Variants in INPP5F observed in about 807,000 individuals in gnomAD.
INPP5F encodes the protein inositol polyphosphate-5-phosphatase F, also known as phosphatidylinositide 4-phosphatase SAC2.
A neutral mutation model predicts 137.2 loss-of-function variants in INPP5F; 97 were observed. The ratio of observed to expected loss-of-function variants is 0.71; its 90% CI spans 0.60 to 0.84. The LOEUF (loss-of-function observed/expected upper bound fraction) is 0.84, where lower values mean the gene tolerates loss of function less well. Ranked by LOEUF, INPP5F falls within the 40% of genes least tolerant of loss-of-function variation. The pLI, the probability that INPP5F is intolerant of heterozygous loss-of-function variation, is 0.00. For synonymous variants in INPP5F, 504 were observed against 476.9 expected, an observed-to-expected ratio of 1.06 and a Z score of -0.74; for missense variants, 1,271 against 1,371.9, an observed-to-expected ratio of 0.93 and a Z score of 1.16.
chr10:119,750,693 G>A (rs568185211), intron 1 of INPP5F, among the ~76,000 whole-genome samples: 1 of 152,308 alleles, frequency 6.6e-6, no homozygotes, highest in Non-Finnish European at 1.5e-5. Flanking sequence ...TCCAGTAAGT[G>A]GACAGCTCTG....
At chr10:119,795,585 C>T (rs1221763724) in intron 6 of INPP5F, among the ~76,000 whole-genome samples, 2 of 151,470 alleles carry the variant, frequency 1.3e-5, no homozygotes, top group African/African-American at 4.9e-5. Context: ...ACGCTCCTCA[C>T]TTTCCAGACT....
At chr10:119,791,680 CT>C in intron 4 of INPP5F, 35 bp downstream of exon 4, 1 of 1,545,136 alleles carries the variant, frequency 6.5e-7, no homozygotes, top group Non-Finnish European at 8.8e-7. Context: ...TTGAATTCAC[CT>C]TTGATTAGTT....
intron 2 of INPP5F, among the ~76,000 whole-genome samples, chr10:119,758,295 G>C (rs917667024): frequency 6.6e-6 from 1 of 152,150 alleles, no homozygotes; most frequent in Non-Finnish European, 1.5e-5. Flanking sequence ...CATCTCACAC[G>C]GACAGGGCCA....
At chr10:119,810,637 C>A (rs893716935) in intron 14 of INPP5F, among the ~76,000 whole-genome samples, 4 of 152,136 alleles carry the variant, frequency 2.6e-5, no homozygotes, top group Non-Finnish European at 5.9e-5. Context: ...ATATACCAGC[C>A]TTTTCCATAA....
At chr10:119,794,772 G>T (rs1171119619) in intron 6 of INPP5F, among the ~76,000 whole-genome samples, 1 of 137,072 alleles carries the variant, frequency 7.3e-6, no homozygotes, top group Non-Finnish European at 1.6e-5. Flanking sequence ...CCTCCCGGAC[G>T]GGGCGGCTGG....
At chr10:119,810,493 T>TG (rs930111553) in intron 14 of INPP5F, among the ~76,000 whole-genome samples, 3 of 152,236 alleles carry the variant, frequency 2.0e-5, no homozygotes, top group Non-Finnish European at 2.9e-5. Context: ...TCCTGGAGTG[T>TG]GGAATAAGGT....
At chr10:119,801,546 G>A (rs995099067) in intron 9 of INPP5F, among the ~76,000 whole-genome samples, 3 of 152,076 alleles carry the variant, frequency 2.0e-5, no homozygotes, top group African/African-American at 2.4e-5. Context: ...GTAATTATAA[G>A]TAGATATAAA....
chr10:119,770,824 C>A (rs1487800212), intron 2 of INPP5F, among the ~76,000 whole-genome samples: 1 of 152,122 alleles, frequency 6.6e-6, no homozygotes, highest in African/African-American at 2.4e-5. Flanking sequence ...CCTATCCTAA[C>A]CTCCATTTTT....
chr10:119,808,253 G>A (rs1485495530), intron 13 of INPP5F, among the ~76,000 whole-genome samples, 193 bp downstream of exon 13: 1 of 152,220 alleles, frequency 6.6e-6, no homozygotes, highest in East Asian at 1.9e-4. Context: ...GGGAGAGGGG[G>A]CTGTGTGGGC....
rs950835961 is a variant in INPP5F at position 119,751,571 on chromosome 10, A to G, written c.178+415A>G. On this transcript the variant is annotated intron_variant, in intron 2 of 19. Transcript: ENST00000650623. The stretch of plus-strand genomic sequence containing the variant: ...GAGACGAGTATGGGTCTCTTAGCAC[A>G]CAGTGTGGTCCTGTCAGGGATCCCT... Among the ~76,000 whole-genome samples, 6 of 152,254 alleles carry G rather than the reference A, an allele frequency of 3.9e-5. No individual in the cohort carries two copies. In the South Asian group the frequency reaches 8.3e-4, roughly 21 times the overall value.
intron 1 of INPP5F, among the ~76,000 whole-genome samples, chr10:119,733,346 A>C (rs1386569341): frequency 6.6e-6 from 1 of 152,220 alleles, no homozygotes; most frequent in African/African-American, 2.4e-5. Context: ...TTTTCCAGCT[A>C]CGGTCAGTTG....
chr10:119,805,955 T>G (rs1850763923), intron 11 of INPP5F, among the ~76,000 whole-genome samples: 1 of 152,330 alleles, frequency 6.6e-6, no homozygotes, highest in Non-Finnish European at 1.5e-5. Context: ...CCATGCTGTG[T>G]GCCTCCTCAC....
At chr10:119,749,831 T>C (rs1276606568) in intron 1 of INPP5F, among the ~76,000 whole-genome samples, 39 of 152,232 alleles carry the variant, frequency 2.6e-4, no homozygotes, top group Admixed American at 2.6e-3. Flanking sequence ...TGGGCTGGAG[T>C]GCCGTGGTGC....
rs771185311 is a variant in INPP5F, at chr10:119,827,377, C to T, written c.2996C>T (p.Thr999Ile). The change falls in exon 20 of 20, where the codon ACC (threonine) becomes ATC (isoleucine). Residue 999 changes from threonine (T) to isoleucine (I), a missense_variant. Transcript: ENST00000650623. ...NQMTNQVSNETQSESTEQTPS... is the reference protein window; with the variant it reads ...NQMTNQVSNEIQSESTEQTPS... ...ATGACCAATCAAGTTTCAAATGAAA[C>T]CCAATCAGAATCAACAGAACAGACA... 1 of 1,614,188 alleles carries T rather than the reference C, an allele frequency of 6.2e-7. No individual in the cohort carries two copies. The highest frequency in any genetic ancestry group is 8.5e-7 in the Non-Finnish European group (1 of 1,180,026).
At chr10:119,735,455 C>T (rs138189440) in intron 1 of INPP5F, among the ~76,000 whole-genome samples, 12 of 152,180 alleles carry the variant, frequency 7.9e-5, no homozygotes, top group Non-Finnish European at 1.2e-4. Flanking sequence ...TCAATATGTA[C>T]GATTTGAAGC....
In INPP5F at chr10:119,827,715, C is replaced by A; in HGVS notation, c.3334C>A (p.Gln1112Lys). 1.9e-6 allele frequency: 3 copies of A among 1,613,538 alleles called. No individual in the cohort carries two copies. Among genetic ancestry groups the A allele is most frequent in the South Asian group, 1.1e-5 (1 of 90,970 alleles). Residue 1112 changes from glutamine to lysine, a missense_variant, in exon 20 of 20, where the codon CAA becomes AAA. This residue lies in a region of INPP5F where 490 missense variants were observed against 443.7 expected (regional missense o/e 1.10). Transcript: ENST00000650623. ...KSPPEPEIIN[Q>K]VQQNELKKMF... ...TCCTCCAGAACCTGAAATCATTAAT[C>A]AAGTCCAGCAAAATGAACTTAAAAA...
rs190382216 is a variant in INPP5F at position 119,824,671 on chromosome 10, A to G, written c.2249+769A>G. Among the ~76,000 whole-genome samples, 210 of 152,328 alleles carry G rather than the reference A, an allele frequency of 1.4e-3. 1 individual carries two copies. Among genetic ancestry groups the G allele is most frequent in the African/African-American group, 4.9e-3 (202 of 41,570 alleles). ...AGGGGAAATTACTTTGAGACTATGT[A>G]AATATTGTTTCTGTGTAAACCTAAG... On this transcript the variant is annotated intron_variant, in intron 19 of 19. Coordinates refer to ENST00000650623, the MANE Select transcript of INPP5F (RefSeq NM_014937.4).
intron 2 of INPP5F, among the ~76,000 whole-genome samples, chr10:119,774,495 G>T (rs1047029525): frequency 1.4e-5 from 2 of 145,174 alleles, no homozygotes; most frequent in South Asian, 2.2e-4. Context: ...TGTTCGTTTT[G>T]TTTTTTTTTT....
At position 119,771,434 on chromosome 10, in the gene INPP5F, G is replaced by A. The variant is rs1402271593; in HGVS notation, c.179-10201G>A. 2.6e-5 allele frequency among the ~76,000 whole-genome samples: 4 copies of A among 151,988 alleles called. No homozygotes were observed. In the East Asian group the frequency reaches 5.8e-4, roughly 22 times the overall value. On this transcript the variant is annotated intron_variant, in intron 2 of 19. Coordinates refer to ENST00000650623, the MANE Select transcript of INPP5F (RefSeq NM_014937.4). ...AATTTTTAGGTAGTACAAGTGCGTG[G>A]TTTAACAACAATGTAAATAGTAGTA... is the stretch of plus-strand genomic sequence containing the variant.
Sources: allele counts gnomAD v4.1 joint callset (sites outside exome capture counted in the v4.1 genomes callset), GRCh38; gene constraint gnomAD v4.1.1; regional missense constraint gnomAD v4.1.1; transcripts MANE v1.5; gene names NCBI Gene and HGNC (gene_info 2026-07-23, HGNC 2026-07-21).